NTRK3: variants seen among roughly 807,000 people sequenced by gnomAD.
NTRK3 encodes neurotrophic receptor tyrosine kinase 3, also known as NT-3 growth factor receptor.
NTRK3 carries 24 observed loss-of-function variants against 91.7 expected under a neutral mutation model. That is an observed-to-expected ratio of 0.26 (90% CI 0.19 to 0.37). The LOEUF (loss-of-function observed/expected upper bound fraction) is 0.37. Ranked by LOEUF, NTRK3 falls within the 10% of genes least tolerant of loss-of-function variation. The pLI, the probability that NTRK3 is intolerant of heterozygous loss-of-function variation, is 1.00. For synonymous variants in NTRK3, 483 were observed against 404.0 expected, an observed-to-expected ratio of 1.20 and a Z score of -2.34; for missense variants, 880 against 1,068.9, an observed-to-expected ratio of 0.82 and a Z score of 2.46.
chr15:87,865,164 T>C (rs2064632390), exon 19 of NTRK3: 1 of 209,264 alleles, frequency 4.8e-6, no homozygotes, highest in Admixed American at 5.9e-5. Context: ...TTCTGATTTC[T>C]TTCTGGAGTG....
rs1298363428 is a variant in NTRK3, at chr15:88,240,914, C to T, written c.248+14992G>A. The stretch of plus-strand genomic sequence containing the variant: ...TGTGGAGAGCAATGAGAATGGTGTG[C>T]CCAGCATTCTGCATGGAGGCATGTG... On this transcript the variant is annotated intron_variant, in intron 3 of 18. Coordinates refer to ENST00000394480, the Ensembl canonical transcript of NTRK3. This position sits in a 1 kb window ranked among gnomAD's most constrained non-coding sequence, Gnocchi z 4.9. Among the ~76,000 whole-genome samples, 1 of 152,216 alleles carries T rather than the reference C, an allele frequency of 6.6e-6. No individual in the cohort carries two copies. The highest frequency in any genetic ancestry group is 2.4e-5 in the African/African-American group (1 of 41,452).
chr15:88,193,147 C>T (rs1055036631), intron 3 of NTRK3, among the ~76,000 whole-genome samples: 1 of 152,138 alleles, frequency 6.6e-6, no homozygotes, highest in African/African-American at 2.4e-5. Flanking sequence ...GCTGCCCCAC[C>T]TCACTGCCAG....
At chr15:88,129,746 T>C (rs1004726027) in intron 10 of NTRK3, among the ~76,000 whole-genome samples, 3 of 152,178 alleles carry the variant, frequency 2.0e-5, no homozygotes, top group South Asian at 2.1e-4. Context: ...GGGATCTCAA[T>C]AGCCAAATGT....
In NTRK3 at chr15:88,241,193, G is replaced by C. The variant is rs2052317756; in HGVS notation, c.248+14713C>G. Among the ~76,000 whole-genome samples, 1 of 152,220 alleles carries C rather than the reference G, an allele frequency of 6.6e-6. No homozygotes were observed. The highest frequency in any genetic ancestry group is 1.5e-5 in the Non-Finnish European group (1 of 68,030). ...TGTCAGCTGGACTGAGACACTAGCT[G>C]TGCCGCCCTCTTCTGTTCAGTGACC... On this transcript the variant is annotated intron_variant, in intron 3 of 18. Coordinates refer to ENST00000394480, the Ensembl canonical transcript of NTRK3. This position sits in a 1 kb window ranked among gnomAD's most constrained non-coding sequence, Gnocchi z 4.3.
intron 13 of NTRK3, among the ~76,000 whole-genome samples, chr15:88,046,494 C>G (rs975567989): frequency 1.3e-5 from 2 of 152,146 alleles, no homozygotes; most frequent in Admixed American, 1.3e-4. Flanking sequence ...CATGAGGCAG[C>G]ACCTGAGACA....
At chr15:88,010,692 A>G (rs2076816744) in intron 14 of NTRK3, among the ~76,000 whole-genome samples, 2 of 152,130 alleles carry the variant, frequency 1.3e-5, no homozygotes, top group Admixed American at 6.6e-5. Context: ...AGAGCCAATA[A>G]CAGAACTTGC....
chr15:88,153,328 C>G (rs540090350), intron 5 of NTRK3, among the ~76,000 whole-genome samples: 1 of 152,074 alleles, frequency 6.6e-6, no homozygotes, highest in Admixed American at 6.5e-5. Flanking sequence ...CTGCAACCTC[C>G]GCCTCCCGGG....
intron 6 of NTRK3, among the ~76,000 whole-genome samples, chr15:88,139,437 A>C (rs2151241907): frequency 6.6e-6 from 1 of 152,106 alleles, no homozygotes; most frequent in South Asian, 2.1e-4. Context: ...GAAAACTCCA[A>C]AATAGTTAAG....
chr15:87,985,756 AG>A (rs2074711448), intron 14 of NTRK3, among the ~76,000 whole-genome samples: 1 of 152,138 alleles, frequency 6.6e-6, no homozygotes, highest in Non-Finnish European at 1.5e-5. Context: ...GCTGAGATAA[AG>A]GGGCATGGAC....
intron 13 of NTRK3, among the ~76,000 whole-genome samples, chr15:88,069,530 G>A (rs370670089): frequency 9.2e-5 from 14 of 152,264 alleles, no homozygotes; most frequent in Admixed American, 2.6e-4. Flanking sequence ...GAGCTACACC[G>A]GAACCTCCCG....
chr15:88,081,405 A>G (rs1342925656), intron 13 of NTRK3, among the ~76,000 whole-genome samples: 2 of 152,208 alleles, frequency 1.3e-5, no homozygotes, highest in Non-Finnish European at 2.9e-5. Context: ...CATTTTGTCC[A>G]GGCCACATTC....
intron 14 of NTRK3, among the ~76,000 whole-genome samples, chr15:87,972,816 C>A (rs1055128055): frequency 2.0e-5 from 3 of 152,136 alleles, no homozygotes; most frequent in African/African-American, 4.8e-5. Flanking sequence ...TGCAACCCTG[C>A]CGTTTTCCTC....
intron 13 of NTRK3, among the ~76,000 whole-genome samples, chr15:88,089,050 C>T (rs1180121316): frequency 6.6e-6 from 1 of 151,594 alleles, no homozygotes; most frequent in African/African-American, 2.4e-5. Flanking sequence ...CCATCATCAT[C>T]ATCTTCATCA....
rs1555430907 is a variant in NTRK3 at position 87,892,113 on chromosome 15, C to CACACACAT, written c.2134-11686_2134-11685insATGTGTGT. On this transcript the variant is annotated intron_variant, in intron 17 of 18. Coordinates refer to ENST00000394480, the Ensembl canonical transcript of NTRK3. ...ACACACACACACACACACACACACA[C>CACACACAT]GCACGCACACACCACTCTCCAAAAG... Among the ~76,000 whole-genome samples, 64 of 151,180 alleles carry CACACACAT rather than the reference C, an allele frequency of 4.2e-4. 1 individual carries two copies. Among genetic ancestry groups the CACACACAT allele is most frequent in the African/African-American group, 9.5e-4 (39 of 41,046 alleles).
rs58075879 is a variant in NTRK3, at chr15:88,223,659, G to A, written c.248+32247C>T. On this transcript the variant is annotated intron_variant, in intron 3 of 18. Coordinates refer to ENST00000394480, the Ensembl canonical transcript of NTRK3. ...TGGACAAAGTACTCAACCTTTTGGG[G>A]TCTTCCTCTGTGTTTCCTTATATAT... 5.7e-4 allele frequency among the ~76,000 whole-genome samples: 87 copies of A among 152,306 alleles called. No homozygotes were observed. The East Asian group carries it at 0.014, about 25-fold the overall frequency.
At chr15:87,909,284 G>T (rs938413091) in intron 17 of NTRK3, among the ~76,000 whole-genome samples, 2 of 152,116 alleles carry the variant, frequency 1.3e-5, no homozygotes, top group Admixed American at 6.5e-5. Flanking sequence ...GTGAGAGGAG[G>T]GGGGTGCATG....
rs1253931956 is a variant in NTRK3 at position 87,912,925 on chromosome 15, AAAAAAAATATATAT to A, written c.2133+16252_2133+16265del. ...GGGCTGTTCAACTTTTCAAAAAGTA[AAAAAAAATATATAT>A]ATATATATATATATATATATATATA... is the stretch of plus-strand genomic sequence containing the variant. On this transcript the variant is annotated intron_variant, in intron 17 of 18. Transcript: ENST00000394480. 4.3e-3 allele frequency among the ~76,000 whole-genome samples: 142 copies of A among 32,862 alleles called. 2 individuals carry two copies. Among genetic ancestry groups the A allele is most frequent in the Middle Eastern group, 0.042 (3 of 72 alleles). The allele number at this position is 32,862 out of a possible 152,430, so 21.6% of individuals were successfully genotyped here.
intron 17 of NTRK3, chr15:87,928,171 G>A (rs1287750295): frequency 3.3e-5 from 5 of 152,080 alleles, no homozygotes; most frequent in African/African-American, 9.7e-5. Flanking sequence ...AGTACAGACA[G>A]GGTTTCAGCA....
chr15:87,912,933 TATATATATATATATATATATATATATA>T (rs2067194633), intron 17 of NTRK3, among the ~76,000 whole-genome samples: 1 of 17,320 alleles, frequency 5.8e-5, no homozygotes, highest in Middle Eastern at 0.022. Context: ...TAAAAAAAAA[TATATATATATATATATATATATATATA>T]TATATATATA....
Sources: gnomAD v4.1 joint callset for allele counts (sites outside exome capture counted in the v4.1 genomes callset) on GRCh38, gnomAD v4.1.1 for gene constraint, Gnocchi (gnomAD v3.1) non-coding constraint, MANE v1.5 for transcripts, NCBI Gene and HGNC (gene_info 2026-07-23, HGNC 2026-07-21) for gene names.